Variants in MGLL observed in about 807,000 individuals in gnomAD.
The protein encoded by MGLL is monoglyceride lipase.
Under a neutral mutation model 29.1 loss-of-function variants are expected in MGLL, and 7 were observed. The observed-to-expected ratio is 0.24, with a 90% CI of 0.14 to 0.45. The LOEUF is 0.45. Among genes scored for constraint, MGLL ranks in the 20% least tolerant of loss-of-function variants. The pLI, the probability that MGLL is intolerant of heterozygous loss-of-function variation, is 0.99. For synonymous variants in MGLL, 148 were observed against 168.3 expected (o/e 0.88, Z 0.93); for missense variants, 356 against 413.6 (o/e 0.86, Z 1.21).
chr3:127,705,319 C>G (rs2075577923), intron 6 of MGLL, among the ~76,000 whole-genome samples: 1 of 151,882 alleles, frequency 6.6e-6, no homozygotes, highest in African/African-American at 2.4e-5. Context: ...AGTAAACCAC[C>G]ATGGCACATG....
At chr3:127,772,725 T>A (rs776799208) in intron 3 of MGLL, among the ~76,000 whole-genome samples, 6 of 152,042 alleles carry the variant, frequency 3.9e-5, no homozygotes, top group Non-Finnish European at 7.4e-5. Flanking sequence ...TCAGAATTCA[T>A]GTTGAAATCC....
At chr3:127,725,800 T>C (rs1185588282) in intron 3 of MGLL, among the ~76,000 whole-genome samples, 1 of 152,148 alleles carries the variant, frequency 6.6e-6, no homozygotes, top group Non-Finnish European at 1.5e-5. Context: ...GCAAGGTGGC[T>C]CACATCTGTA....
chr3:127,807,976 G>A (rs575805428), intron 2 of MGLL, among the ~76,000 whole-genome samples: 5 of 151,946 alleles, frequency 3.3e-5, no homozygotes, highest in African/African-American at 9.7e-5. Flanking sequence ...TAGTCAGGAT[G>A]GTCTCGATCT....
chr3:127,741,699 G>A (rs2107655613), intron 3 of MGLL, among the ~76,000 whole-genome samples: 1 of 152,330 alleles, frequency 6.6e-6, no homozygotes. Context: ...GTGGGGACAA[G>A]GTCAGCCCTT....
At chr3:127,726,554 G>A (rs1234344865) in intron 3 of MGLL, among the ~76,000 whole-genome samples, 3 of 152,008 alleles carry the variant, frequency 2.0e-5, no homozygotes, top group African/African-American at 4.8e-5. Context: ...TCAGCCTCCC[G>A]AGTAGCTGGG....
intron 6 of MGLL, among the ~76,000 whole-genome samples, chr3:127,706,462 C>T (rs988708021): frequency 3.9e-5 from 6 of 152,194 alleles, no homozygotes; most frequent in Non-Finnish European, 7.3e-5. Flanking sequence ...AGCTCACAGC[C>T]GTTTCTCCCA....
chr3:127,764,181 G>A (rs138179833), intron 3 of MGLL, among the ~76,000 whole-genome samples: 28 of 152,248 alleles, frequency 1.8e-4, no homozygotes, highest in Non-Finnish European at 3.4e-4. Flanking sequence ...TGATAAAGAT[G>A]GGCCCTGGGA....
Position 127,780,547 on chromosome 3 carries a change from C to T in MGLL, c.262+1242G>A, listed in dbSNP as rs547457674. Among the ~76,000 whole-genome samples, 64 of 152,326 alleles carry T rather than the reference C, an allele frequency of 4.2e-4. 1 individual carries two copies. The highest frequency in any genetic ancestry group is 1.3e-3 in the African/African-American group (55 of 41,564). On this transcript the variant is annotated intron_variant, in intron 3 of 7. Transcript: ENST00000265052. ...GGACAGTTCGCAAAGCACTAAAGAA[C>T]GTCACAACTATGATAAGAAAGAATT...
chr3:127,710,134 C>T (rs1022235537), intron 6 of MGLL, among the ~76,000 whole-genome samples: 1 of 152,178 alleles, frequency 6.6e-6, no homozygotes, highest in African/African-American at 2.4e-5. Flanking sequence ...TTGGCCTTCA[C>T]TGGGGGAAAG....
At chr3:127,750,413 G>A (rs936826959) in intron 3 of MGLL, among the ~76,000 whole-genome samples, 8 of 152,108 alleles carry the variant, frequency 5.3e-5, no homozygotes, top group African/African-American at 1.7e-4. Context: ...CTCCCGTCAC[G>A]CTTCAAAGGC....
intron 3 of MGLL, among the ~76,000 whole-genome samples, chr3:127,726,168 GAAAGAAAGAAAGAAAGA>G (rs1211762517): frequency 0.028 from 872 of 30,724 alleles, 12 homozygotes; most frequent in Non-Finnish European, 0.046. Flanking sequence ...AAGAAAGAAA[GAAAGAAAGAAAGAAAGA>G]AAAGAAAAGA....
intron 2 of MGLL, among the ~76,000 whole-genome samples, chr3:127,808,582 C>A (rs2077608440): frequency 1.4e-5 from 2 of 146,886 alleles, no homozygotes; most frequent in Non-Finnish European, 2.9e-5. Context: ...GGAGTCAACA[C>A]CAACAGAAAC....
chr3:127,812,195 C>A (rs1421872003), intron 2 of MGLL, among the ~76,000 whole-genome samples: 1 of 152,216 alleles, frequency 6.6e-6, no homozygotes, highest in African/African-American at 2.4e-5. Context: ...AAGTTGACTT[C>A]CAGCTATAAT....
Position 127,822,294 on chromosome 3 carries a change from G to A in MGLL, c.10+15C>T. ...TTATTCCTCCCATCTGAAATTCCAA[G>A]GATACATGACAAACCTGTTTCCATT... is the stretch of plus-strand genomic sequence containing the variant. On this transcript the variant is annotated intron_variant, in intron 1 of 7. Coordinates refer to ENST00000265052, the MANE Select transcript of MGLL (RefSeq NM_007283.7). 6.2e-7 allele frequency: 1 copy of A among 1,611,562 alleles called. No individual in the cohort carries two copies. Among genetic ancestry groups the A allele is most frequent in the South Asian group, 1.1e-5 (1 of 91,038 alleles).
intron 6 of MGLL, among the ~76,000 whole-genome samples, chr3:127,701,434 G>A (rs1241242180): frequency 6.6e-6 from 1 of 152,100 alleles, no homozygotes; most frequent in African/African-American, 2.4e-5. Context: ...ACGGCATTGG[G>A]TCCCTGTCAC....
At chr3:127,811,944 G>C (rs28753886) in intron 2 of MGLL, among the ~76,000 whole-genome samples, 1 of 152,154 alleles carries the variant, frequency 6.6e-6, no homozygotes, top group Non-Finnish European at 1.5e-5. Flanking sequence ...CACTAATTGC[G>C]AACCCACAGA....
intron 2 of MGLL, 58 bp from the exon 3 acceptor site, chr3:127,781,953 G>T: frequency 6.5e-7 from 1 of 1,526,918 alleles, no homozygotes; most frequent in South Asian, 1.1e-5. Flanking sequence ...GGGCGCGGTG[G>T]CTCATGCCTA....
chr3:127,772,905 G>A (rs1197482527), intron 3 of MGLL, among the ~76,000 whole-genome samples: 1 of 152,186 alleles, frequency 6.6e-6, no homozygotes, highest in Non-Finnish European at 1.5e-5. Flanking sequence ...TATGAACCAG[G>A]AGGTGGTTCT....
chr3:127,754,619 T>C (rs1170702764), intron 3 of MGLL, among the ~76,000 whole-genome samples: 1 of 152,126 alleles, frequency 6.6e-6, no homozygotes, highest in East Asian at 1.9e-4. Flanking sequence ...TCTAGGTCTG[T>C]TCTCACCACT....
Sources: allele counts gnomAD v4.1 joint callset (sites outside exome capture counted in the v4.1 genomes callset), GRCh38; gene constraint gnomAD v4.1.1; transcripts MANE v1.5; gene names NCBI Gene and HGNC (gene_info 2026-07-23, HGNC 2026-07-21).